GALNT17: variants seen among roughly 807,000 people sequenced by gnomAD.
The protein encoded by GALNT17 is UDP-GalNAc:polypeptide N-acetylgalactosaminyltransferase-like 3.
A neutral mutation model predicts 63.7 loss-of-function variants in GALNT17; 29 were observed. That is an observed-to-expected ratio of 0.46 (90% CI 0.34 to 0.62). GALNT17 has a LOEUF of 0.62. GALNT17 is among the 20% of genes least tolerant of loss of function. The pLI is 0.01. For synonymous variants in GALNT17, 305 were observed against 318.3 expected, an observed-to-expected ratio of 0.96 and a Z score of 0.45; for missense variants, 603 against 799.6, an observed-to-expected ratio of 0.75 and a Z score of 2.97.
intron 1 of GALNT17, among the ~76,000 whole-genome samples, chr7:71,241,511 C>T (rs969721034): frequency 5.3e-5 from 8 of 152,264 alleles, no homozygotes; most frequent in East Asian, 1.9e-4. Context: ...CAAAGTGCCA[C>T]GTTCCATTTC....
intron 1 of GALNT17, among the ~76,000 whole-genome samples, chr7:71,321,463 G>A (rs1791603822): frequency 6.6e-6 from 1 of 152,194 alleles, no homozygotes; most frequent in African/African-American, 2.4e-5. Flanking sequence ...GGGCCTTTGA[G>A]ATCCTCGCCA....
intron 5 of GALNT17, among the ~76,000 whole-genome samples, chr7:71,480,449 G>A: frequency 6.6e-6 from 1 of 151,890 alleles, no homozygotes; most frequent in East Asian, 1.9e-4. Context: ...ACTCATACGT[G>A]GCATCCTCTG....
chr7:71,328,606 A>G (rs1184299183), intron 1 of GALNT17, among the ~76,000 whole-genome samples: 1 of 151,120 alleles, frequency 6.6e-6, no homozygotes, highest in African/African-American at 2.4e-5. Flanking sequence ...CTTTGCCAAC[A>G]GTTTCTGGGG....
chr7:71,404,530 G>C (rs1340683352), intron 3 of GALNT17, among the ~76,000 whole-genome samples: 1 of 152,164 alleles, frequency 6.6e-6, no homozygotes, highest in African/African-American at 2.4e-5. Flanking sequence ...AAAGCTGAGA[G>C]ATGCTCAGAG....
intron 6 of GALNT17, among the ~76,000 whole-genome samples, chr7:71,656,811 A>C (rs1790834867): frequency 6.6e-6 from 1 of 152,110 alleles, no homozygotes; most frequent in African/African-American, 2.4e-5. Context: ...TCTTTCTGGT[A>C]TATGTAGCTT....
intron 1 of GALNT17, among the ~76,000 whole-genome samples, chr7:71,286,751 G>T (rs1355546507): frequency 1.3e-5 from 2 of 148,634 alleles, no homozygotes; most frequent in East Asian, 2.0e-4. Context: ...CCTTGTTTTT[G>T]TTTTTTTTTT....
intron 1 of GALNT17, among the ~76,000 whole-genome samples, chr7:71,139,332 A>G (rs1253355209): frequency 2.0e-5 from 3 of 152,184 alleles, no homozygotes; most frequent in African/African-American, 7.2e-5. Flanking sequence ...CAGAGTCCAC[A>G]CGCAGGACGC....
intron 5 of GALNT17, among the ~76,000 whole-genome samples, chr7:71,514,163 C>T (rs949609995): frequency 6.6e-6 from 1 of 152,138 alleles, no homozygotes; most frequent in African/African-American, 2.4e-5. Flanking sequence ...CTACCACACT[C>T]CAGCCTAGGT....
intron 1 of GALNT17, among the ~76,000 whole-genome samples, chr7:71,331,440 G>T (rs1184483156): frequency 6.6e-6 from 1 of 152,120 alleles, no homozygotes; most frequent in Non-Finnish European, 1.5e-5. Context: ...AGGTGTGGTG[G>T]CTCACGCCTG....
intron 1 of GALNT17, among the ~76,000 whole-genome samples, chr7:71,156,878 C>T (rs1329033197): frequency 6.6e-6 from 1 of 151,622 alleles, no homozygotes; most frequent in East Asian, 1.9e-4. Flanking sequence ...AACCACTGTT[C>T]CCAGACTCCT....
chr7:71,255,508 G>T lies in GALNT17; in HGVS notation c.239-80042G>T, dbSNP rs148979665. On this transcript the variant is annotated intron_variant, in intron 1 of 10. Coordinates refer to ENST00000333538, the MANE Select transcript of GALNT17 (RefSeq NM_022479.3). ...TGAAAATTGACTAACACAGGAGCTA[G>T]CTAAGCCCAGTCAAGACAAAAGTCT... 2.8e-3 allele frequency among the ~76,000 whole-genome samples: 423 copies of T among 152,320 alleles called. 4 individuals carry two copies. The highest frequency in any genetic ancestry group is 9.6e-3 in the African/African-American group (398 of 41,564).
intron 8 of GALNT17, among the ~76,000 whole-genome samples, chr7:71,674,406 C>CA (rs1240915094): frequency 2.0e-5 from 3 of 151,820 alleles, no homozygotes; most frequent in Non-Finnish European, 4.4e-5. Context: ...AGTACAGTAG[C>CA]ATGATCATGA....
intron 5 of GALNT17, among the ~76,000 whole-genome samples, chr7:71,570,064 T>G (rs1043661512): frequency 1.4e-5 from 2 of 142,874 alleles, no homozygotes; most frequent in Admixed American, 7.0e-5. Context: ...TTTTTGGTTG[T>G]TTTTTTTTTT....
chr7:71,548,985 C>T (rs1378298453), intron 5 of GALNT17, among the ~76,000 whole-genome samples: 4 of 152,144 alleles, frequency 2.6e-5, no homozygotes, highest in African/African-American at 9.7e-5. Flanking sequence ...GTGGGAGAAA[C>T]AGCTTTGCTT....
intron 2 of GALNT17, among the ~76,000 whole-genome samples, chr7:71,358,956 G>C (rs997098979): frequency 8.5e-5 from 13 of 152,064 alleles, no homozygotes; most frequent in Non-Finnish European, 1.6e-4. Flanking sequence ...TGGAGTTTTA[G>C]TAGAGATGGG....
At chr7:71,518,271 A>C (rs1788474929) in intron 5 of GALNT17, among the ~76,000 whole-genome samples, 1 of 152,174 alleles carries the variant, frequency 6.6e-6, no homozygotes, top group African/African-American at 2.4e-5. Flanking sequence ...CTTCTTTCTT[A>C]TTTTCTACTG....
intron 6 of GALNT17, among the ~76,000 whole-genome samples, chr7:71,658,096 C>T (rs1790856174): frequency 6.6e-6 from 1 of 152,096 alleles, no homozygotes; most frequent in Non-Finnish European, 1.5e-5. Context: ...TTTGTAGAGG[C>T]TGGTCTCGCC....
intron 3 of GALNT17, among the ~76,000 whole-genome samples, chr7:71,409,880 G>C (rs1394120816): frequency 1.3e-5 from 2 of 152,132 alleles, no homozygotes; most frequent in Admixed American, 1.3e-4. Flanking sequence ...TGGAAGGTGA[G>C]AGGCTGGAGA....
intron 9 of GALNT17, among the ~76,000 whole-genome samples, chr7:71,683,911 A>G (rs960782858): frequency 6.7e-6 from 1 of 149,900 alleles, no homozygotes; most frequent in Non-Finnish European, 1.5e-5. Context: ...CGGGAGGCTG[A>G]GGCAGGAGAA....
Sources: gnomAD v4.1 joint callset for allele counts (sites outside exome capture counted in the v4.1 genomes callset) on GRCh38, gnomAD v4.1.1 for gene constraint, MANE v1.5 for transcripts, NCBI Gene and HGNC (gene_info 2026-07-23, HGNC 2026-07-21) for gene names.